The following NCKAP1L variants were observed in gnomAD, a reference collection of about 807,000 sequenced individuals.
The protein encoded by NCKAP1L is nck-associated protein 1-like.
A neutral mutation model predicts 139.2 loss-of-function variants in NCKAP1L; 53 were observed. The ratio of observed to expected loss-of-function variants is 0.38; its 90% CI spans 0.31 to 0.48. The LOEUF (loss-of-function observed/expected upper bound fraction) is 0.48, where lower values mean the gene tolerates loss of function less well. Ranked by LOEUF, NCKAP1L falls within the 20% of genes least tolerant of loss-of-function variation. The probability of loss-of-function intolerance (pLI) is 0.98; values close to 1 mark genes in which losing one functional copy is unlikely to be tolerated. For synonymous variants in NCKAP1L, 468 were observed against 499.7 expected (o/e 0.94, Z 0.85); for missense variants, 1,151 against 1,381.9 (o/e 0.83, Z 2.65).
At chr12:54,542,284 G>T (rs1957163999) in intron 30 of NCKAP1L, among the ~76,000 whole-genome samples, 1 of 152,184 alleles carries the variant, frequency 6.6e-6, no homozygotes, top group Admixed American at 6.5e-5. Context: ...CATCCAGAAT[G>T]GGAGAGAATG....
At chr12:54,513,592 A>G (rs1343710029) in intron 9 of NCKAP1L, among the ~76,000 whole-genome samples, 1 of 152,226 alleles carries the variant, frequency 6.6e-6, no homozygotes, top group African/African-American at 2.4e-5. Context: ...TCCTAGAAGG[A>G]AGGACCAGTG....
At chr12:54,516,066 G>A (rs1956927889) in intron 9 of NCKAP1L, among the ~76,000 whole-genome samples, 173 bp from the exon 10 acceptor site, 1 of 152,146 alleles carries the variant, frequency 6.6e-6, no homozygotes, top group African/African-American at 2.4e-5. Context: ...TCTAAGCTGT[G>A]AGTCTTTTAT....
intron 3 of NCKAP1L, among the ~76,000 whole-genome samples, chr12:54,503,336 A>G (rs549864834): frequency 2.6e-5 from 4 of 152,032 alleles, no homozygotes; most frequent in Non-Finnish European, 5.9e-5. Context: ...GATGTTTTTG[A>G]AAGAAAAATT....
At chr12:54,509,276 C>T (rs898584024) in intron 5 of NCKAP1L, among the ~76,000 whole-genome samples, 28 of 152,106 alleles carry the variant, frequency 1.8e-4, no homozygotes, top group African/African-American at 2.9e-4. Context: ...CACATGCCTA[C>T]GTGGATACCT....
At chr12:54,502,354 T>A (rs555194286) in intron 3 of NCKAP1L, among the ~76,000 whole-genome samples, 45 of 152,348 alleles carry the variant, frequency 3.0e-4, no homozygotes, top group Middle Eastern at 3.4e-3. Flanking sequence ...AAACTATATA[T>A]CTTTGCATTA....
Position 54,536,224 on chromosome 12 carries a change from T to C in NCKAP1L, c.3052T>C (p.Phe1018Leu), listed in dbSNP as rs1957111671. Reference protein sequence around the residue: ...LPLLATDPSSFYSIEKDGYNN... With the variant: ...LPLLATDPSSLYSIEKDGYNN... Reference sequence around the variant, plus strand: ...ACTCCTTGCCACTGACCCTTCTTCCTTTTATAGCATTGAGAAGGATGGTAA... The same window carrying C: ...ACTCCTTGCCACTGACCCTTCTTCCCTTTATAGCATTGAGAAGGATGGTAA... Residue 1018 changes from phenylalanine (F) to leucine (L), a missense_variant, in exon 28 of 31, where the codon TTT (phenylalanine) becomes CTT (leucine). Physicochemically the swap from Phe to Leu is conservative, Grantham distance 22 (BLOSUM62 0). Coordinates refer to ENST00000293373, the MANE Select transcript of NCKAP1L (RefSeq NM_005337.5). The C allele has an allele frequency of 4.3e-6, 7 of 1,611,974 alleles. No individual in the cohort carries two copies. The highest frequency in any genetic ancestry group is 1.3e-5 in the African/African-American group (1 of 74,862).
Position 54,500,552 on chromosome 12 carries a change from A to G in NCKAP1L, c.233A>G (p.His78Arg), listed in dbSNP as rs1565670991. ...RNSTQHLGPV[H>R]REKAEIIRFL... ...TCTCAGCAACATTTAGGACCAGTAC[A>G]TCGTGAAAAAGCCGAGATAATTAGA... The change falls in exon 3 of 31, where the codon CAT (histidine) becomes CGT (arginine). Residue 78 changes from histidine to arginine, a missense_variant. Physicochemically the swap from His to Arg is conservative, Grantham distance 29 (BLOSUM62 0). Coordinates refer to ENST00000293373, the MANE Select transcript of NCKAP1L (RefSeq NM_005337.5). 5 of 1,613,042 alleles carry G rather than the reference A, an allele frequency of 3.1e-6. No homozygotes were observed. Among genetic ancestry groups the G allele is most frequent in the Non-Finnish European group, 4.2e-6 (5 of 1,179,046 alleles).
chr12:54,502,823 C>CAAA (rs780466592), intron 3 of NCKAP1L, among the ~76,000 whole-genome samples: 19,215 of 57,010 alleles, frequency 0.34, 4,036 homozygotes, highest in Non-Finnish European at 0.42. Flanking sequence ...CCCATCTACA[C>CAAA]AAAAAAAAAA....
At chr12:54,511,372 A>G (rs915345498) in intron 7 of NCKAP1L, among the ~76,000 whole-genome samples, 1 of 152,184 alleles carries the variant, frequency 6.6e-6, no homozygotes, top group African/African-American at 2.4e-5. Context: ...TGGTTTATCA[A>G]TGTGCCCTAA....
At chr12:54,515,245 A>G (rs1023132842) in intron 9 of NCKAP1L, among the ~76,000 whole-genome samples, 29 of 152,210 alleles carry the variant, frequency 1.9e-4, no homozygotes, top group African/African-American at 7.0e-4. Flanking sequence ...CCAACACCAA[A>G]CTTCTTTGAT....
chr12:54,529,290 A>T (rs1297444832), intron 22 of NCKAP1L, among the ~76,000 whole-genome samples: 1 of 152,160 alleles, frequency 6.6e-6, no homozygotes, highest in East Asian at 1.9e-4. Flanking sequence ...TTTGTGTCTC[A>T]GGGGGAGACA....
In NCKAP1L at chr12:54,518,688, T is replaced by A; in HGVS notation, c.1376T>A (p.Met459Lys). ...TGTCCAGAGGAGGAGTCCATCATCATGTCCTCATTCGTCAGTATCCTCTCC... is the reference window on the plus strand; with the variant it reads ...TGTCCAGAGGAGGAGTCCATCATCAAGTCCTCATTCGTCAGTATCCTCTCC... ...SVCPEEESII[M>K]SSFVSILSSL... The change falls in exon 14 of 31, where the codon ATG becomes AAG. Residue 459 changes from methionine (M) to lysine (K), a missense_variant. Transcript: ENST00000293373. The A allele has an allele frequency of 1.2e-6, 2 of 1,614,166 alleles. No homozygotes were observed. Among genetic ancestry groups the A allele is most frequent in the Non-Finnish European group, 1.7e-6 (2 of 1,179,988 alleles).
chr12:54,518,470 A>G (rs1956952097), intron 13 of NCKAP1L, 181 bp from the exon 14 acceptor site: 1 of 670,126 alleles, frequency 1.5e-6, no homozygotes, highest in African/African-American at 1.8e-5. Context: ...ATAAAGAGAA[A>G]CTGGATGTTA....
At chr12:54,520,539 G>A (rs1391874482) in intron 16 of NCKAP1L, among the ~76,000 whole-genome samples, 155 bp from the exon 17 acceptor site, 1 of 152,158 alleles carries the variant, frequency 6.6e-6, no homozygotes, top group Non-Finnish European at 1.5e-5. Context: ...GGAGAGAGTG[G>A]TAAATATCGG....
At chr12:54,512,151 GC>G in intron 9 of NCKAP1L, 46 bp downstream of exon 9, 1 of 1,594,582 alleles carries the variant, frequency 6.3e-7, no homozygotes, top group African/African-American at 1.3e-5. Flanking sequence ...ATAGTTTTTA[GC>G]CCCTCCAATA....
chr12:54,500,921 G>A (rs1019660297), intron 3 of NCKAP1L: 1 of 217,922 alleles, frequency 4.6e-6, no homozygotes, highest in Non-Finnish European at 9.2e-6. Flanking sequence ...GACTGATTAT[G>A]ACTGGCTTCA....
At chr12:54,508,712 T>G (rs1373658458) in intron 5 of NCKAP1L, among the ~76,000 whole-genome samples, 181 bp downstream of exon 5, 1 of 152,210 alleles carries the variant, frequency 6.6e-6, no homozygotes, top group African/African-American at 2.4e-5. Flanking sequence ...AACACGGGTT[T>G]GAACTACGCA....
In NCKAP1L at chr12:54,536,234, T is replaced by C. The variant is rs556405410; in HGVS notation, c.3062T>C (p.Ile1021Thr). 6 of 1,608,936 alleles carry C rather than the reference T, an allele frequency of 3.7e-6. No homozygotes were observed. Among genetic ancestry groups the C allele is most frequent in the African/African-American group, 1.3e-5 (1 of 74,774 alleles). The change falls in exon 28 of 31, where the codon ATT becomes ACT. Residue 1021 changes from isoleucine to threonine, a missense_variant. Physicochemically the swap from Ile to Thr is moderately conservative, Grantham distance 89 (BLOSUM62 -1). Coordinates refer to ENST00000293373, the MANE Select transcript of NCKAP1L (RefSeq NM_005337.5). Reference protein sequence around the residue: ...LATDPSSFYSIEKDGYNNNIH... With the variant: ...LATDPSSFYSTEKDGYNNNIH... ...ACTGACCCTTCTTCCTTTTATAGCA[T>C]TGAGAAGGATGGTAAGTAAGGGGTA...
intron 5 of NCKAP1L, 41 bp downstream of exon 5, chr12:54,508,572 TG>T: frequency 6.2e-7 from 1 of 1,601,600 alleles, no homozygotes; most frequent in Non-Finnish European, 8.5e-7. Context: ...GTCTCATACA[TG>T]GTGCTATGAT....
Sources: gnomAD v4.1 joint callset for allele counts (sites outside exome capture counted in the v4.1 genomes callset) on GRCh38, gnomAD v4.1.1 for gene constraint, MANE v1.5 for transcripts, NCBI Gene and HGNC (gene_info 2026-07-23, HGNC 2026-07-21) for gene names.